The following ACVR1C variants were observed in gnomAD, a reference collection of about 807,000 sequenced individuals.
ACVR1C encodes the protein activin A receptor type 1C, also known as activin receptor type-1C.
ACVR1C carries 23 observed loss-of-function variants against 57.9 expected under a neutral mutation model. That is an observed-to-expected ratio of 0.40 (90% CI 0.29 to 0.56). The LOEUF (loss-of-function observed/expected upper bound fraction) is 0.56. Among genes scored for constraint, ACVR1C ranks in the 20% least tolerant of loss-of-function variants. ACVR1C has a pLI of 0.50. For missense variants in ACVR1C, 480 were observed against 607.9 expected, an observed-to-expected ratio of 0.79 and a Z score of 2.21; for synonymous variants, 214 against 215.3, an observed-to-expected ratio of 0.99 and a Z score of 0.05.
At chr2:157,624,665 T>C (rs531199509) in intron 1 of ACVR1C, among the ~76,000 whole-genome samples, 1 of 151,954 alleles carries the variant, frequency 6.6e-6, no homozygotes, top group African/African-American at 2.4e-5. Flanking sequence ...GTGCAAAGAG[T>C]TGGGAGTGAC....
intron 4 of ACVR1C, among the ~76,000 whole-genome samples, chr2:157,546,289 A>G (rs1172391442): frequency 6.6e-6 from 1 of 152,204 alleles, no homozygotes. Flanking sequence ...GTTTCAAAGT[A>G]TATGTATTTA....
intron 1 of ACVR1C, among the ~76,000 whole-genome samples, chr2:157,604,838 T>G (rs562518454): frequency 1.3e-5 from 2 of 152,012 alleles, no homozygotes; most frequent in South Asian, 4.1e-4. Flanking sequence ...TTTCCTGGCC[T>G]GCATCTTGTC....
At chr2:157,567,387 A>C (rs1315892447) in intron 2 of ACVR1C, among the ~76,000 whole-genome samples, 2 of 91,762 alleles carry the variant, frequency 2.2e-5, no homozygotes, top group East Asian at 5.3e-4. Context: ...ACGAGCTGAG[A>C]GAAGAAGGCT....
chr2:157,541,855 C>A (rs1236705927), intron 6 of ACVR1C, among the ~76,000 whole-genome samples: 2 of 152,162 alleles, frequency 1.3e-5, no homozygotes, highest in African/African-American at 4.8e-5. Context: ...TCTCAAGGGC[C>A]TTTAACAACT....
intron 2 of ACVR1C, among the ~76,000 whole-genome samples, chr2:157,585,577 A>T (rs1319190575): frequency 2.6e-5 from 4 of 152,144 alleles, no homozygotes; most frequent in African/African-American, 9.7e-5. Context: ...AGGATCATTC[A>T]CTATTGGGAA....
At chr2:157,601,960 A>G (rs773285319) in intron 1 of ACVR1C, among the ~76,000 whole-genome samples, 1 of 152,216 alleles carries the variant, frequency 6.6e-6, no homozygotes, top group Non-Finnish European at 1.5e-5. Flanking sequence ...ATTACAAGTT[A>G]TGGGCTATTC....
At chr2:157,535,143 CAAAAAA>C (rs11349149) in intron 8 of ACVR1C, among the ~76,000 whole-genome samples, 1 of 95,998 alleles carries the variant, frequency 1.0e-5, no homozygotes, top group Non-Finnish European at 2.2e-5. Flanking sequence ...AGACTCTGTC[CAAAAAA>C]AAAAAAAAAA....
chr2:157,601,942 C>T (rs574693621), intron 1 of ACVR1C, among the ~76,000 whole-genome samples: 1 of 152,226 alleles, frequency 6.6e-6, no homozygotes, highest in Non-Finnish European at 1.5e-5. Context: ...GAAAATTAAG[C>T]TCCTGCTATT....
chr2:157,552,528 T>A (rs558445106), intron 3 of ACVR1C, among the ~76,000 whole-genome samples: 1 of 152,308 alleles, frequency 6.6e-6, no homozygotes, highest in Admixed American at 6.5e-5. Context: ...TCTCAGTCTC[T>A]CCCTTCCTCC....
chr2:157,537,477 C>T (rs1484102086), intron 8 of ACVR1C, among the ~76,000 whole-genome samples: 1 of 151,408 alleles, frequency 6.6e-6, no homozygotes, highest in Non-Finnish European at 1.5e-5. Flanking sequence ...AAGACATCTA[C>T]ACAAAATATA....
At position 157,576,203 on chromosome 2, in the gene ACVR1C, C is replaced by CTTTTTTTT. The variant is rs10628650; in HGVS notation, c.304+10976_304+10983dup. Reference sequence around the variant, plus strand: ...ATTGTGGCTTGAGGAATAATCATTTCTTTTTTTTTTTTTTTTTTTTGGCGA... The same window carrying CTTTTTTTT: ...ATTGTGGCTTGAGGAATAATCATTTCTTTTTTTTTTTTTTTTTTTTTTTTTTTTGGCGA... On this transcript the variant is annotated intron_variant, in intron 2 of 8. Transcript: ENST00000243349. Among the ~76,000 whole-genome samples, 94 of 97,898 alleles carry CTTTTTTTT rather than the reference C, an allele frequency of 9.6e-4. 1 individual carries two copies. The highest frequency in any genetic ancestry group is 1.3e-3 in the African/African-American group (30 of 23,580). 64.2% of individuals were successfully genotyped at this position (97,898 alleles called of 152,430 possible).
At chr2:157,561,443 G>A (rs1466202971) in intron 2 of ACVR1C, among the ~76,000 whole-genome samples, 1 of 152,130 alleles carries the variant, frequency 6.6e-6, no homozygotes, top group Non-Finnish European at 1.5e-5. Flanking sequence ...TTCCACCACT[G>A]TCAACTGAAT....
intron 1 of ACVR1C, among the ~76,000 whole-genome samples, chr2:157,591,061 G>A (rs1462779834): frequency 6.6e-6 from 1 of 151,900 alleles, no homozygotes; most frequent in Non-Finnish European, 1.5e-5. Flanking sequence ...TACCGAAGCG[G>A]GTAAAGTCAG....
In ACVR1C at chr2:157,587,422, A is replaced by G. The variant is rs757848297; in HGVS notation, c.74-5T>C. 1.3e-6 allele frequency: 2 copies of G among 1,599,252 alleles called. No homozygotes were observed. The highest frequency in any genetic ancestry group is 1.7e-6 in the Non-Finnish European group (2 of 1,166,888). On this transcript the variant is annotated splice_region_variant and splice_polypyrimidine_tract_variant and intron_variant, in intron 1 of 8. Transcript: ENST00000243349. ...AAAGACATACACACTTCAGTCCTGG[A>G]AAGAGTAAGGCAAAAAGATTTAAAA...
At chr2:157,540,760 C>T (rs1443437068) in intron 7 of ACVR1C, among the ~76,000 whole-genome samples, 2 of 152,176 alleles carry the variant, frequency 1.3e-5, no homozygotes, top group Admixed American at 6.5e-5. Context: ...GTTGCCTCAG[C>T]AAATCATTTA....
At chr2:157,574,980 G>A (rs1688608018) in intron 2 of ACVR1C, among the ~76,000 whole-genome samples, 1 of 152,064 alleles carries the variant, frequency 6.6e-6, no homozygotes, top group African/African-American at 2.4e-5. Context: ...ATTTTTTTAA[G>A]AGACAGGGTC....
intron 1 of ACVR1C, among the ~76,000 whole-genome samples, chr2:157,620,871 TA>T (rs1037693478): frequency 2.6e-5 from 4 of 152,144 alleles, no homozygotes; most frequent in African/African-American, 9.6e-5. Flanking sequence ...TCAAGTTGCA[TA>T]AAAAAAGGTA....
intron 1 of ACVR1C, among the ~76,000 whole-genome samples, chr2:157,612,574 G>A (rs937421095): frequency 4.6e-5 from 7 of 151,940 alleles, no homozygotes; most frequent in African/African-American, 1.7e-4. Flanking sequence ...CTCTCTGTTT[G>A]CAAGCCCAAC....
chr2:157,551,965 C>T (rs1687934690), intron 3 of ACVR1C, among the ~76,000 whole-genome samples: 1 of 152,202 alleles, frequency 6.6e-6, no homozygotes, highest in Non-Finnish European at 1.5e-5. Context: ...TGGTTCAACC[C>T]TATCATTTTA....
Sources: gnomAD v4.1 joint callset for allele counts (sites outside exome capture counted in the v4.1 genomes callset) on GRCh38, gnomAD v4.1.1 for gene constraint, MANE v1.5 for transcripts, NCBI Gene and HGNC (gene_info 2026-07-23, HGNC 2026-07-21) for gene names.